Variants in SLC4A4 observed in about 807,000 individuals in gnomAD.
SLC4A4 encodes electrogenic sodium bicarbonate cotransporter 1.
A neutral mutation model predicts 111.5 loss-of-function variants in SLC4A4; 27 were observed. That is an observed-to-expected ratio of 0.24 (90% CI 0.18 to 0.33). The LOEUF (loss-of-function observed/expected upper bound fraction) is 0.33, where lower values mean the gene tolerates loss of function less well. SLC4A4 is among the 10% of genes least tolerant of loss of function. The probability of loss-of-function intolerance (pLI) is 1.00; values close to 1 mark genes in which losing one functional copy is unlikely to be tolerated. For synonymous variants in SLC4A4, 443 were observed against 463.4 expected (o/e 0.96, Z 0.57); for missense variants, 909 against 1,315.5 (o/e 0.69, Z 4.78).
intron 1 of SLC4A4, among the ~76,000 whole-genome samples, chr4:71,189,282 T>C (rs1368405105): frequency 1.3e-5 from 2 of 152,326 alleles, no homozygotes; most frequent in South Asian, 2.1e-4. Context: ...CCCAATGAGA[T>C]TGACAGAATG....
chr4:71,399,955 C>G (rs1231716469), intron 7 of SLC4A4, among the ~76,000 whole-genome samples: 2 of 152,128 alleles, frequency 1.3e-5, no homozygotes, highest in African/African-American at 4.8e-5. Context: ...TAGATACATA[C>G]CTGTAGTGGA....
At chr4:71,219,280 A>G (rs1718605536) in intron 1 of SLC4A4, among the ~76,000 whole-genome samples, 1 of 152,232 alleles carries the variant, frequency 6.6e-6, no homozygotes, top group Non-Finnish European at 1.5e-5. Flanking sequence ...TGAATACACC[A>G]ATGACAAGAA....
At chr4:71,490,865 A>G (rs1390708842) in intron 15 of SLC4A4, among the ~76,000 whole-genome samples, 1 of 151,846 alleles carries the variant, frequency 6.6e-6, no homozygotes, top group Non-Finnish European at 1.5e-5. Context: ...TTAGTTGGGC[A>G]TGATGGCACA....
intron 7 of SLC4A4, among the ~76,000 whole-genome samples, chr4:71,403,080 G>T (rs527271722): frequency 7.2e-5 from 11 of 152,258 alleles, no homozygotes; most frequent in Admixed American, 2.0e-4. Flanking sequence ...AAAGCTATTT[G>T]TCTGGAATAG....
rs181956476 is a variant in SLC4A4 at position 71,195,421 on chromosome 4, G to C, written c.-2+8020G>C. ...AGGTAGTATACCTTGTGTGCTTGAC[G>C]CAAATGTGGCCAATTTAGGGTGATT... On this transcript the variant is annotated intron_variant, in intron 1 of 25. Coordinates refer to ENST00000264485, the MANE Select transcript of SLC4A4 (RefSeq NM_001098484.3). Among the ~76,000 whole-genome samples, 480 of 152,058 alleles carry C rather than the reference G, an allele frequency of 3.2e-3. 5 individuals carry two copies. Among genetic ancestry groups the C allele is most frequent in the Admixed American group, 0.015 (230 of 15,280 alleles).
At chr4:71,428,503 C>T (rs1407306780) in intron 7 of SLC4A4, among the ~76,000 whole-genome samples, 2 of 151,990 alleles carry the variant, frequency 1.3e-5, no homozygotes, top group East Asian at 3.9e-4. Context: ...ACTACTGATA[C>T]AGATACCTTC....
intron 2 of SLC4A4, among the ~76,000 whole-genome samples, chr4:71,136,364 C>T (rs1367083594): frequency 6.6e-6 from 1 of 152,144 alleles, no homozygotes; most frequent in African/African-American, 2.4e-5. Context: ...TTTGAGTTCT[C>T]TTGAGAGAGA....
chr4:71,529,218 G>T (rs1733706449), intron 16 of SLC4A4, among the ~76,000 whole-genome samples: 1 of 152,092 alleles, frequency 6.6e-6, no homozygotes, highest in African/African-American at 2.4e-5. Context: ...TTTTGAGGGG[G>T]TGTTGGGGTA....
chr4:71,398,240 GCA>G (rs1404646006), intron 7 of SLC4A4, among the ~76,000 whole-genome samples: 2 of 147,866 alleles, frequency 1.4e-5, no homozygotes, highest in Non-Finnish European at 3.0e-5. Flanking sequence ...CACTGAGATC[GCA>G]CCACTGTGCT....
chr4:71,218,494 A>AAAGC (rs1353152630), intron 1 of SLC4A4, among the ~76,000 whole-genome samples: 1 of 152,212 alleles, frequency 6.6e-6, no homozygotes, highest in East Asian at 1.9e-4. Context: ...TTCACTGTAG[A>AAAGC]AAGCAATATT....
At chr4:71,237,609 A>G (rs1365752379) in intron 2 of SLC4A4, among the ~76,000 whole-genome samples, 1 of 152,106 alleles carries the variant, frequency 6.6e-6, no homozygotes, top group Non-Finnish European at 1.5e-5. Flanking sequence ...CTTGGGAAAA[A>G]GAGAGTCAGT....
intron 1 of SLC4A4, among the ~76,000 whole-genome samples, chr4:71,196,328 G>A (rs1745997598): frequency 6.6e-6 from 1 of 152,154 alleles, no homozygotes; most frequent in African/African-American, 2.4e-5. Flanking sequence ...CACTTTCACA[G>A]GTTGAGCTCC....
At chr4:71,184,510 T>C (rs537810177), upstream of SLC4A4, among the ~76,000 whole-genome samples, 1 of 152,318 alleles carries the variant, frequency 6.6e-6, no homozygotes, top group African/African-American at 2.4e-5. Flanking sequence ...GCTGGTATTC[T>C]AAGAAGTCCT....
intron 7 of SLC4A4, among the ~76,000 whole-genome samples, chr4:71,405,678 A>T (rs764328488): frequency 1.3e-5 from 2 of 152,168 alleles, no homozygotes; most frequent in African/African-American, 2.4e-5. Flanking sequence ...ATCTTTAAAC[A>T]CTTTATTGAA....
At chr4:71,475,550 A>G (rs867126320) in intron 14 of SLC4A4, among the ~76,000 whole-genome samples, 17 of 151,874 alleles carry the variant, frequency 1.1e-4, no homozygotes, top group Admixed American at 6.6e-5. Flanking sequence ...GTAACTAGGA[A>G]GTTGTCCAGA....
At chr4:71,343,111 G>C (rs537872190) in intron 4 of SLC4A4, among the ~76,000 whole-genome samples, 1 of 152,224 alleles carries the variant, frequency 6.6e-6, no homozygotes, top group East Asian at 1.9e-4. Flanking sequence ...CTAGTTCCTG[G>C]CAGTGTCTGA....
At chr4:71,153,025 A>G (rs1054065381) in intron 2 of SLC4A4, among the ~76,000 whole-genome samples, 2 of 138,470 alleles carry the variant, frequency 1.4e-5, no homozygotes, top group Admixed American at 7.0e-5. Context: ...ATATAAATAT[A>G]TGTGTGTGTA....
chr4:71,469,600 T>C (rs1727685873), intron 13 of SLC4A4, among the ~76,000 whole-genome samples: 1 of 151,998 alleles, frequency 6.6e-6, no homozygotes. Context: ...TCCTGTTGCT[T>C]TTTAAAACTT....
At chr4:71,247,472 G>A (rs191908817) in intron 2 of SLC4A4, among the ~76,000 whole-genome samples, 1 of 151,994 alleles carries the variant, frequency 6.6e-6, no homozygotes, top group Non-Finnish European at 1.5e-5. Flanking sequence ...GCCCAGCCAG[G>A]GCTTAGGCCA....
Sources: gnomAD v4.1 joint callset for allele counts (sites outside exome capture counted in the v4.1 genomes callset) on GRCh38, gnomAD v4.1.1 for gene constraint, MANE v1.5 for transcripts, NCBI Gene and HGNC (gene_info 2026-07-23, HGNC 2026-07-21) for gene names.